FAAH2: variants seen among roughly 807,000 people sequenced by gnomAD.
FAAH2 encodes fatty acid amide hydrolase 2, also known as fatty-acid amide hydrolase 2.
A neutral mutation model predicts 36.9 loss-of-function variants in FAAH2; 60 were observed. That is an observed-to-expected ratio of 1.63 (90% CI 1.32 to 2.02). The LOEUF (loss-of-function observed/expected upper bound fraction) is 2.02, where lower values mean the gene tolerates loss of function less well. FAAH2 is among the 30% of genes most tolerant of loss of function. FAAH2 has a pLI of 0.00. For missense variants in FAAH2, 689 were observed against 397.5 expected (o/e 1.73, Z -6.23); for synonymous variants, 214 against 143.8 (o/e 1.49, Z -3.49).
the FAAH2 span, among the ~76,000 whole-genome samples, chrX:57,232,960 CAA>C: frequency 3.6e-5 from 4 of 112,310 alleles, no homozygotes; most frequent in Non-Finnish European, 5.6e-5. Flanking sequence ...AGTTAATAAA[CAA>C]AAACATCACT....
At chrX:57,446,646 T>G (rs972970817) in intron 8 of FAAH2, among the ~76,000 whole-genome samples, 1 of 112,037 alleles carries the variant, frequency 8.9e-6, no homozygotes. Flanking sequence ...TTGATTATTC[T>G]GGATATTTCA....
chrX:57,358,154 T>C (rs1265403210), intron 5 of FAAH2, among the ~76,000 whole-genome samples: 2 of 107,891 alleles, frequency 1.9e-5, no homozygotes, highest in Admixed American at 2.0e-4. Flanking sequence ...TAGTTTGAGA[T>C]CTTTTTTTTT....
At chrX:57,132,846 C>T in the FAAH2 span, among the ~76,000 whole-genome samples, 1 of 112,367 alleles carries the variant, frequency 8.9e-6, no homozygotes, top group South Asian at 3.7e-4. Flanking sequence ...TAAGCTGCCT[C>T]TCCCTCATCC....
the FAAH2 span, among the ~76,000 whole-genome samples, chrX:57,217,693 A>C: frequency 8.9e-6 from 1 of 111,961 alleles, no homozygotes; most frequent in Admixed American, 9.5e-5. Context: ...GCCTTATAGC[A>C]TAGTTTGAAA....
At chrX:57,293,277 A>T (rs1379759065) in intron 2 of FAAH2, among the ~76,000 whole-genome samples, 18 of 111,877 alleles carry the variant, frequency 1.6e-4, no homozygotes. Flanking sequence ...GAAACTTTAT[A>T]TCACTACACA....
the FAAH2 span, among the ~76,000 whole-genome samples, chrX:57,218,825 G>T: frequency 9.0e-6 from 1 of 111,517 alleles, no homozygotes; most frequent in Non-Finnish European, 1.9e-5. Context: ...AATCTGTTTG[G>T]TCCTGGACTT....
At chrX:57,225,547 T>C in the FAAH2 span, among the ~76,000 whole-genome samples, 2 of 111,938 alleles carry the variant, frequency 1.8e-5, no homozygotes, top group African/African-American at 6.5e-5. Flanking sequence ...TGAGGTTCAT[T>C]TTATGGCCTA....
chrX:57,163,044 G>A, the FAAH2 span, among the ~76,000 whole-genome samples: 48 of 111,850 alleles, frequency 4.3e-4, no homozygotes, highest in African/African-American at 1.5e-3. Context: ...TTTTTGGTGT[G>A]GATGTCCTTT....
chrX:57,404,203 A>G (rs1476368445), intron 7 of FAAH2, among the ~76,000 whole-genome samples: 2 of 112,276 alleles, frequency 1.8e-5, no homozygotes, highest in Non-Finnish European at 3.8e-5. Flanking sequence ...GGAGTGTTAT[A>G]GGGTCATGGA....
chrX:57,280,507 C>T, the FAAH2 span, among the ~76,000 whole-genome samples: 1 of 101,795 alleles, frequency 9.8e-6, no homozygotes, highest in Admixed American at 1.1e-4. Context: ...TAAGCTATCA[C>T]TTTACACCTA....
intron 2 of FAAH2, among the ~76,000 whole-genome samples, chrX:57,308,008 T>C (rs62598766): frequency 0.049 from 5,523 of 111,609 alleles, 149 homozygotes; most frequent in Admixed American, 0.072. Context: ...TATTCCATGA[T>C]GCATATACAC....
the FAAH2 span, among the ~76,000 whole-genome samples, chrX:57,165,055 G>C: frequency 1.8e-5 from 2 of 112,346 alleles, no homozygotes; most frequent in Non-Finnish European, 3.8e-5. Context: ...ATACTATGAG[G>C]ATGTGGAGAA....
At chrX:57,200,655 G>A in the FAAH2 span, among the ~76,000 whole-genome samples, 2 of 111,384 alleles carry the variant, frequency 1.8e-5, no homozygotes, top group Admixed American at 1.9e-4. Flanking sequence ...GGGATTAAAG[G>A]CATGAGCCAC....
At chrX:57,399,225 T>G (rs2055375146) in intron 7 of FAAH2, among the ~76,000 whole-genome samples, 1 of 111,583 alleles carries the variant, frequency 9.0e-6, no homozygotes, top group Admixed American at 9.5e-5. Flanking sequence ...TGGCCTGCAG[T>G]GCAGGGGATT....
the FAAH2 span, among the ~76,000 whole-genome samples, chrX:57,246,683 T>G: frequency 3.6e-5 from 4 of 112,372 alleles, no homozygotes; most frequent in Non-Finnish European, 7.5e-5. Context: ...CATGCTTTGT[T>G]ATTATTCAAT....
intron 10 of FAAH2, among the ~76,000 whole-genome samples, chrX:57,486,423 A>G (rs1470826356): frequency 1.8e-5 from 2 of 111,512 alleles, no homozygotes; most frequent in Non-Finnish European, 3.8e-5. Flanking sequence ...TTACATAAGG[A>G]AGCTGGCTAG....
chrX:57,140,931 G>C, the FAAH2 span, among the ~76,000 whole-genome samples: 1 of 111,788 alleles, frequency 8.9e-6, no homozygotes, highest in East Asian at 2.8e-4. Context: ...GCATTATGCA[G>C]TGTATTTATG....
In FAAH2 at chrX:57,437,940, G is replaced by T. The variant is rs2352861; in HGVS notation, c.1116+5903G>T. Reference sequence around the variant, plus strand: ...GTACATGTATACACATATATACATAGGTACATGTATACACATATATACATA... The same window carrying T: ...GTACATGTATACACATATATACATATGTACATGTATACACATATATACATA... On this transcript the variant is annotated intron_variant, in intron 8 of 10. Transcript: ENST00000374900. Among the ~76,000 whole-genome samples, 184 of 101,258 alleles carry T rather than the reference G, an allele frequency of 1.8e-3. 1 individual carries two copies. The highest frequency in any genetic ancestry group is 5.7e-3 in the African/African-American group (160 of 28,304). The allele number at this position is 101,258 out of a possible 115,157, so 87.9% of individuals were successfully genotyped here.
the FAAH2 span, among the ~76,000 whole-genome samples, chrX:57,196,827 C>A: frequency 1.8e-5 from 2 of 111,363 alleles, no homozygotes; most frequent in African/African-American, 6.5e-5. Flanking sequence ...TTCATAGTGA[C>A]TTTAGATAAC....
Sources: allele counts gnomAD v4.1 joint callset (sites outside exome capture counted in the v4.1 genomes callset), GRCh38; gene constraint gnomAD v4.1.1; transcripts MANE v1.5; gene names NCBI Gene and HGNC (gene_info 2026-07-23, HGNC 2026-07-21).